The following TBL1X variants were observed in gnomAD, a reference collection of about 807,000 sequenced individuals.
TBL1X encodes the protein transducin beta like 1 X-linked, also known as F-box-like/WD repeat-containing protein TBL1X.
In TBL1X, 10 loss-of-function variants were observed where a neutral mutation model predicts 50.7. The ratio of observed to expected loss-of-function variants is 0.20; its 90% CI spans 0.12 to 0.33. The LOEUF (loss-of-function observed/expected upper bound fraction) is 0.33, where lower values mean the gene tolerates loss of function less well. Among genes scored for constraint, TBL1X ranks in the 10% least tolerant of loss-of-function variants. TBL1X has a pLI of 1.00. For missense variants in TBL1X, 340 were observed against 504.4 expected (o/e 0.67, Z 3.12); for synonymous variants, 190 against 214.7 (o/e 0.88, Z 1.01).
At chrX:9,500,083 G>A (rs539476186) in intron 1 of TBL1X, among the ~76,000 whole-genome samples, 32 of 108,019 alleles carry the variant, frequency 3.0e-4, no homozygotes, top group African/African-American at 1.0e-3. Flanking sequence ...CCAGGAGTTC[G>A]AGATTAGCAT....
rs1014478494 is a variant in TBL1X at position 9,637,938 on chromosome X, A to G, written c.-130-2335A>G. ...AATGAGGTGTGCTTGTGTGACTAAA[A>G]GAAAAAGAAATTTTGGGGGAGGAGC... On this transcript the variant is annotated intron_variant, in intron 2 of 17. Transcript: ENST00000645353. The G allele has an allele frequency of 2.7e-5, 3 of 112,111 alleles. No homozygotes were observed. In the Admixed American group the frequency reaches 2.8e-4, roughly 11 times the overall value. 9.2% of individuals were successfully genotyped at this position (112,111 alleles called of 1,213,427 possible). A position where few individuals can be genotyped will look rare whatever the true frequency, so the allele number is the denominator to read the frequency against.
At chrX:9,674,566 TTTA>T (rs1216588678) in intron 5 of TBL1X, among the ~76,000 whole-genome samples, 23 of 108,241 alleles carry the variant, frequency 2.1e-4, no homozygotes, top group African/African-American at 7.8e-4. Context: ...GCCTGACCTA[TTTA>T]TTGTTTTTTA....
At chrX:9,604,403 C>CT (rs1384326495) in intron 2 of TBL1X, among the ~76,000 whole-genome samples, 1 of 110,396 alleles carries the variant, frequency 9.1e-6, no homozygotes, top group Non-Finnish European at 1.9e-5. Context: ...TTTCACTTTC[C>CT]CCCCCTTTTT....
chrX:9,664,961 A>G (rs1259209166), intron 5 of TBL1X, among the ~76,000 whole-genome samples: 1 of 111,041 alleles, frequency 9.0e-6, no homozygotes, highest in Non-Finnish European at 1.9e-5. Context: ...CCTGGTGGGT[A>G]AAATCAATGT....
chrX:9,675,471 T>C (rs1459615713), intron 5 of TBL1X, among the ~76,000 whole-genome samples: 3 of 111,504 alleles, frequency 2.7e-5, no homozygotes, highest in Admixed American at 1.9e-4. Flanking sequence ...GGTGAAAAAT[T>C]AGTAACCACA....
chrX:9,683,909 G>A (rs1208672630), intron 5 of TBL1X, 134 bp from the exon 6 acceptor site: 60 of 977,391 alleles, frequency 6.1e-5, no homozygotes, highest in Admixed American at 9.2e-5. Context: ...GCATCCCTGG[G>A]CATTCTGCAG....
intron 2 of TBL1X, among the ~76,000 whole-genome samples, chrX:9,524,277 C>T: frequency 8.9e-6 from 1 of 111,902 alleles, no homozygotes; most frequent in Admixed American, 9.4e-5. Context: ...CTATTTTAAC[C>T]ATTTTTAAGT....
intron 12 of TBL1X, among the ~76,000 whole-genome samples, chrX:9,699,116 G>A (rs1479417923): frequency 9.0e-6 from 1 of 111,668 alleles, no homozygotes; most frequent in African/African-American, 3.3e-5. Flanking sequence ...GAGTAGCTGG[G>A]ATTACAGGCA....
intron 7 of TBL1X, 49 bp from the exon 8 acceptor site, chrX:9,691,530 T>TTTCTCTTG (rs775681003): frequency 8.4e-7 from 1 of 1,187,193 alleles, no homozygotes; most frequent in Non-Finnish European, 1.1e-6. Flanking sequence ...TTTAAGTGTG[T>TTTCTCTTG]TTCTCTTGTA....
In TBL1X at chrX:9,688,612, GA is replaced by G. The variant is rs770336603; in HGVS notation, c.616+338del. Among the ~76,000 whole-genome samples, 4 of 112,798 alleles carry G rather than the reference GA, an allele frequency of 3.5e-5. No individual in the cohort carries two copies. In the South Asian group the frequency reaches 1.5e-3, roughly 42 times the overall value. On this transcript the variant is annotated intron_variant, in intron 7 of 17. Transcript: ENST00000645353. ...GTCTCAGCCTCCAGCCTTCCATGTT[GA>G]GGGTTTTTGGCCAAATTATGGTATA...
intron 2 of TBL1X, among the ~76,000 whole-genome samples, chrX:9,615,879 CA>C (rs1301138871): frequency 8.9e-6 from 1 of 112,140 alleles, no homozygotes; most frequent in Non-Finnish European, 1.9e-5. Flanking sequence ...TAGCACCTTG[CA>C]GAACATTTGC....
intron 2 of TBL1X, among the ~76,000 whole-genome samples, chrX:9,547,149 T>C (rs1029976187): frequency 2.7e-5 from 3 of 110,637 alleles, no homozygotes; most frequent in Non-Finnish European, 5.7e-5. Flanking sequence ...GTGTTATACG[T>C]TGTTGTCATT....
chrX:9,471,181 C>A (rs1031890925), intron 1 of TBL1X, among the ~76,000 whole-genome samples: 2 of 112,645 alleles, frequency 1.8e-5, no homozygotes, highest in African/African-American at 6.5e-5. Flanking sequence ...ATCTGTGTTT[C>A]TATGGAGCTG....
Position 9,526,472 on chromosome X carries a change from G to A in TBL1X, c.-131+24623G>A, listed in dbSNP as rs192076241. The stretch of plus-strand genomic sequence containing the variant: ...GACTCTGGTGTGGTCTTTTCCTTTC[G>A]GAGAAGTGGAGGTGAAACGACTTGC... On this transcript the variant is annotated intron_variant, in intron 2 of 17. Coordinates refer to ENST00000645353, the MANE Select transcript of TBL1X (RefSeq NM_005647.4). 3.0e-4 allele frequency among the ~76,000 whole-genome samples: 34 copies of A among 111,639 alleles called. No homozygotes were observed. In the East Asian group the frequency reaches 5.9e-3, roughly 19 times the overall value.
At chrX:9,582,430 A>G (rs980402235) in intron 2 of TBL1X, among the ~76,000 whole-genome samples, 8 of 112,638 alleles carry the variant, frequency 7.1e-5, no homozygotes, top group Non-Finnish European at 1.5e-4. Context: ...CTGGTATAGT[A>G]CATCTAATAA....
chrX:9,593,657 C>T (rs2146541948), intron 2 of TBL1X, among the ~76,000 whole-genome samples: 1 of 110,528 alleles, frequency 9.0e-6, no homozygotes, highest in South Asian at 3.9e-4. Flanking sequence ...CTTTCCCCAC[C>T]TTTTCTCTCA....
chrX:9,561,750 C>A (rs950946771), intron 2 of TBL1X, among the ~76,000 whole-genome samples: 4 of 112,103 alleles, frequency 3.6e-5, no homozygotes, highest in Non-Finnish European at 5.6e-5. Flanking sequence ...TTTTCCCTCT[C>A]TATAGACATT....
At chrX:9,471,235 C>T (rs771958450) in intron 1 of TBL1X, among the ~76,000 whole-genome samples, 26 of 112,618 alleles carry the variant, frequency 2.3e-4, no homozygotes, top group Non-Finnish European at 4.5e-4. Context: ...TTTCTGTGAT[C>T]TCATGACGTG....
At chrX:9,667,539 A>G (rs2082937880) in intron 5 of TBL1X, among the ~76,000 whole-genome samples, 1 of 112,444 alleles carries the variant, frequency 8.9e-6, no homozygotes, top group Non-Finnish European at 1.9e-5. Context: ...CAAACGAATT[A>G]AGATTATATA....
Sources: allele counts gnomAD v4.1 joint callset (sites outside exome capture counted in the v4.1 genomes callset), GRCh38; gene constraint gnomAD v4.1.1; transcripts MANE v1.5; gene names NCBI Gene and HGNC (gene_info 2026-07-23, HGNC 2026-07-21).